The following STX17 variants were observed in gnomAD, a reference collection of about 807,000 sequenced individuals.
STX17 encodes the protein syntaxin-17.
A neutral mutation model predicts 35.9 loss-of-function variants in STX17; 29 were observed. The observed-to-expected ratio is 0.81, with a 90% confidence interval of 0.60 to 1.10. The LOEUF (loss-of-function observed/expected upper bound fraction) is 1.10, where lower values mean the gene tolerates loss of function less well. Ranked by LOEUF, STX17 falls within the 50% of genes least tolerant of loss-of-function variation. The pLI, the probability that STX17 is intolerant of heterozygous loss-of-function variation, is 0.00. For missense variants in STX17, 312 were observed against 352.3 expected (o/e 0.89, Z 0.92); for synonymous variants, 92 against 118.3 (o/e 0.78, Z 1.44).
intron 3 of STX17, among the ~76,000 whole-genome samples, chr9:99,936,488 ACTT>A (rs1829237106): frequency 6.6e-6 from 1 of 152,150 alleles, no homozygotes; most frequent in South Asian, 2.1e-4. Flanking sequence ...ATTAAAAACA[ACTT>A]CTCTTGTTCT....
chr9:99,915,967 G>T (rs1828760800), intron 2 of STX17: 1 of 449,746 alleles, frequency 2.2e-6, no homozygotes, highest in African/African-American at 2.0e-5. Flanking sequence ...TTTGGCTAAT[G>T]TACCTGCCTT....
At chr9:99,928,118 A>G (rs888515196) in intron 2 of STX17, among the ~76,000 whole-genome samples, 4 of 152,172 alleles carry the variant, frequency 2.6e-5, no homozygotes, top group South Asian at 4.1e-4. Context: ...TAAAAATAAC[A>G]TATGATATTT....
intron 3 of STX17, among the ~76,000 whole-genome samples, chr9:99,933,630 T>TA (rs2118395876): frequency 1.3e-5 from 2 of 152,284 alleles, no homozygotes; most frequent in East Asian, 3.9e-4. Context: ...TTGTACTTTC[T>TA]AAAGATACCC....
chr9:99,972,625 G>A lies in STX17; in HGVS notation c.*3952G>A, dbSNP rs922224700. On this transcript the variant is annotated 3_prime_UTR_variant, in exon 8 of 8. Transcript: ENST00000259400. ...CTCCCTTAAGTGCTCTAAGATTTTT[G>A]TACAGGAGTAAGAATCAAATACTGG... 1.3e-5 allele frequency among the ~76,000 whole-genome samples: 2 copies of A among 152,144 alleles called. No homozygotes were observed. Among genetic ancestry groups the A allele is most frequent in the Non-Finnish European group, 2.9e-5 (2 of 68,030 alleles).
chr9:99,908,170 G>C (rs1017319890), intron 1 of STX17, among the ~76,000 whole-genome samples: 1 of 152,182 alleles, frequency 6.6e-6, no homozygotes, highest in Non-Finnish European at 1.5e-5. Context: ...TTGCTCGTGA[G>C]GTTAATCTTG....
chr9:99,942,322 A>G (rs183524602), intron 3 of STX17, among the ~76,000 whole-genome samples: 1,561 of 152,126 alleles, frequency 0.01, 11 homozygotes, highest in Admixed American at 0.021. Flanking sequence ...AGACTTCTTC[A>G]TATGTTTTGC....
chr9:99,935,531 A>G (rs1829215597), intron 3 of STX17, among the ~76,000 whole-genome samples: 1 of 152,168 alleles, frequency 6.6e-6, no homozygotes, highest in Admixed American at 6.5e-5. Flanking sequence ...TTATTAGAAA[A>G]GCAGAAGCAT....
intron 1 of STX17, among the ~76,000 whole-genome samples, chr9:99,909,723 C>T (rs1226734810): frequency 2.6e-5 from 4 of 152,042 alleles, no homozygotes; most frequent in African/African-American, 9.7e-5. Context: ...GATAGCCGAA[C>T]AGGGTGACTA....
At chr9:99,948,794 T>G (rs1829535681) in intron 3 of STX17, among the ~76,000 whole-genome samples, 1 of 152,138 alleles carries the variant, frequency 6.6e-6, no homozygotes, top group Non-Finnish European at 1.5e-5. Context: ...ACATTACTCA[T>G]AGTAATAGAG....
intron 1 of STX17, among the ~76,000 whole-genome samples, chr9:99,909,386 C>T (rs962405018): frequency 1.3e-5 from 2 of 152,018 alleles, no homozygotes; most frequent in Non-Finnish European, 2.9e-5. Flanking sequence ...ATAGAAGGGA[C>T]GTGTGAAGAA....
chr9:99,925,070 T>C (rs1167088165), intron 2 of STX17, among the ~76,000 whole-genome samples: 1 of 152,198 alleles, frequency 6.6e-6, no homozygotes, highest in Non-Finnish European at 1.5e-5. Flanking sequence ...TTTCCCTCTT[T>C]CTTTTGGATT....
At position 99,974,170 on chromosome 9, in the gene STX17, C is replaced by T. The variant is rs1830063122; in HGVS notation, c.*5497C>T. Among the ~76,000 whole-genome samples the T allele has an allele frequency of 6.6e-6, 1 of 152,204 alleles. No individual in the cohort carries two copies. The highest frequency in any genetic ancestry group is 1.5e-5 in the Non-Finnish European group (1 of 68,036). On this transcript the variant is annotated 3_prime_UTR_variant, in exon 8 of 8. Transcript: ENST00000259400. Reference sequence around the variant, plus strand: ...ATTTGATAGCCACAGCACAAGTATTCTTCAGGAGCATAAATCCTCCAGCCT... The same window carrying T: ...ATTTGATAGCCACAGCACAAGTATTTTTCAGGAGCATAAATCCTCCAGCCT...
chr9:99,933,719 C>T (rs189943744), intron 3 of STX17, among the ~76,000 whole-genome samples: 33 of 152,242 alleles, frequency 2.2e-4, no homozygotes, highest in African/African-American at 7.9e-4. Flanking sequence ...AGTCTAATTT[C>T]CCTTCTCTTG....
intron 3 of STX17, chr9:99,945,797 T>C: frequency 2.7e-6 from 1 of 368,376 alleles, no homozygotes; most frequent in South Asian, 2.0e-5. Context: ...AATGGACAGT[T>C]GCGGCCGGGC....
intron 2 of STX17, 83 bp downstream of exon 2, chr9:99,915,445 A>G (rs1828749668): frequency 2.0e-6 from 3 of 1,480,362 alleles, no homozygotes; most frequent in East Asian, 2.4e-5. Flanking sequence ...AATTTAGAAT[A>G]TTAGATAAGA....
At chr9:99,951,370 T>A in intron 4 of STX17, 85 bp downstream of exon 4, 1 of 1,263,378 alleles carries the variant, frequency 7.9e-7, no homozygotes, top group Non-Finnish European at 1.1e-6. Flanking sequence ...CTGAATTATC[T>A]ATAGGTCTTC....
At chr9:99,949,347 T>TA (rs1398613822) in intron 3 of STX17, among the ~76,000 whole-genome samples, 2 of 152,050 alleles carry the variant, frequency 1.3e-5, no homozygotes, top group Non-Finnish European at 2.9e-5. Flanking sequence ...CAAGATGCTT[T>TA]AGGTTGTAAC....
intron 1 of STX17, among the ~76,000 whole-genome samples, chr9:99,908,210 T>C (rs1415123962): frequency 6.6e-6 from 1 of 152,178 alleles, no homozygotes; most frequent in Non-Finnish European, 1.5e-5. Context: ...CTGCTGGGAT[T>C]CTCCAATGTA....
intron 3 of STX17, among the ~76,000 whole-genome samples, chr9:99,931,636 T>TA (rs1829126280): frequency 6.6e-6 from 1 of 152,182 alleles, no homozygotes; most frequent in African/African-American, 2.4e-5. Flanking sequence ...ACAGAGACTG[T>TA]ATGGCCTACA....
Sources: allele counts gnomAD v4.1 joint callset (sites outside exome capture counted in the v4.1 genomes callset), GRCh38; gene constraint gnomAD v4.1.1; transcripts MANE v1.5; gene names NCBI Gene and HGNC (gene_info 2026-07-23, HGNC 2026-07-21).